Variants in NETO1 observed in about 807,000 individuals in gnomAD.
The protein encoded by NETO1 is neuropilin and tolloid like 1, also known as neuropilin and tolloid-like protein 1.
NETO1 carries 26 observed loss-of-function variants against 61.3 expected under a neutral mutation model. That is an observed-to-expected ratio of 0.42 (90% confidence interval 0.31 to 0.59). The LOEUF (loss-of-function observed/expected upper bound fraction) is 0.59, where lower values mean the gene tolerates loss of function less well. Among genes scored for constraint, NETO1 ranks in the 20% least tolerant of loss-of-function variants. NETO1 has a pLI of 0.12. For synonymous variants in NETO1, 225 were observed against 225.8 expected, an observed-to-expected ratio of 1.00 and a Z score of 0.03; for missense variants, 531 against 662.8, an observed-to-expected ratio of 0.80 and a Z score of 2.18.
At chr18:72,801,265 G>A (rs2072497432) in intron 4 of NETO1, among the ~76,000 whole-genome samples, 1 of 149,958 alleles carries the variant, frequency 6.7e-6, no homozygotes, top group Admixed American at 6.7e-5. Context: ...CTCTTCCTCA[G>A]TAAATAATAT....
At chr18:72,784,273 C>G (rs34532184) in intron 6 of NETO1, among the ~76,000 whole-genome samples, 2 of 151,948 alleles carry the variant, frequency 1.3e-5, no homozygotes, top group Non-Finnish European at 2.9e-5. Context: ...TGTTTCAGTT[C>G]GATGGCTTCC....
At chr18:72,769,576 A>C (rs780606141) in intron 7 of NETO1, among the ~76,000 whole-genome samples, 3 of 152,196 alleles carry the variant, frequency 2.0e-5, no homozygotes, top group Non-Finnish European at 4.4e-5. Flanking sequence ...AAACCAGTAC[A>C]TATTTATTTT....
chr18:72,760,398 A>G (rs935942371), intron 7 of NETO1, among the ~76,000 whole-genome samples: 3 of 152,196 alleles, frequency 2.0e-5, no homozygotes, highest in African/African-American at 7.2e-5. Flanking sequence ...CAGCTCAGAG[A>G]GTACTTCTCC....
chr18:72,816,920 T>C (rs1485109515), intron 4 of NETO1, among the ~76,000 whole-genome samples: 1 of 152,124 alleles, frequency 6.6e-6, no homozygotes, highest in Non-Finnish European at 1.5e-5. Context: ...TAAGATGATG[T>C]CGTGATGAGA....
chr18:72,866,631 T>C, intron 1 of NETO1: 1 of 825,598 alleles, frequency 1.2e-6, no homozygotes, highest in African/African-American at 1.9e-5. Flanking sequence ...CATCTTTGCT[T>C]AGTAATGATA....
intron 4 of NETO1, among the ~76,000 whole-genome samples, chr18:72,846,532 A>AAAAAAAAAAAAAAT (rs2074093018): frequency 6.7e-6 from 1 of 149,400 alleles, no homozygotes; most frequent in Non-Finnish European, 1.5e-5. Flanking sequence ...AAAAAAAAAA[A>AAAAAAAAAAAAAAT]AAGAAGATGC....
chr18:72,855,558 C>A (rs550745286), intron 4 of NETO1, among the ~76,000 whole-genome samples: 1 of 152,196 alleles, frequency 6.6e-6, no homozygotes, highest in East Asian at 1.9e-4. Context: ...CCTCCACATC[C>A]GTGCGGGACC....
chr18:72,867,176 C>G, intron 1 of NETO1, 88 bp downstream of exon 1: 1 of 1,023,708 alleles, frequency 9.8e-7, no homozygotes, highest in Non-Finnish European at 1.4e-6. Flanking sequence ...GAGCGCGGCG[C>G]AGAGGCTTTT....
chr18:72,764,432 G>T (rs989893370), intron 7 of NETO1, among the ~76,000 whole-genome samples: 5 of 152,106 alleles, frequency 3.3e-5, no homozygotes, highest in Non-Finnish European at 7.4e-5. Context: ...ATGTTTATCA[G>T]TTCAGGTAAC....
At chr18:72,757,104 A>G (rs569425182) in intron 7 of NETO1, among the ~76,000 whole-genome samples, 10 of 152,080 alleles carry the variant, frequency 6.6e-5, no homozygotes, top group Non-Finnish European at 1.5e-4. Flanking sequence ...CTTTTTTTCA[A>G]TAAAGGCTCT....
At chr18:72,819,462 C>T (rs764088510) in intron 4 of NETO1, among the ~76,000 whole-genome samples, 5 of 152,034 alleles carry the variant, frequency 3.3e-5, no homozygotes, top group African/African-American at 4.8e-5. Context: ...AAATATTTGA[C>T]GTTGATACTG....
chr18:72,848,489 AC>A (rs1456539678), intron 4 of NETO1, among the ~76,000 whole-genome samples: 2 of 152,240 alleles, frequency 1.3e-5, no homozygotes, highest in African/African-American at 4.8e-5. Context: ...GAAATATGTT[AC>A]CGGCTCCAAA....
chr18:72,833,528 C>T lies in NETO1; in HGVS notation c.469+25298G>A, dbSNP rs576192274. On this transcript the variant is annotated intron_variant, in intron 4 of 10. Coordinates refer to ENST00000327305, the MANE Select transcript of NETO1 (RefSeq NM_138966.5). ...GCACCATAATAATTCTGAAGTAAAA[C>T]TGGTTTAGTAAATGAATTCTGACTC... is the stretch of plus-strand genomic sequence containing the variant. Among the ~76,000 whole-genome samples, 122 of 152,258 alleles carry T rather than the reference C, an allele frequency of 8.0e-4. 1 individual carries two copies. The South Asian group carries it at 0.023, about 28-fold the overall frequency.
chr18:72,835,212 T>C (rs2073704798), intron 4 of NETO1: 7 of 1,413,398 alleles, frequency 5.0e-6, no homozygotes, highest in South Asian at 3.4e-5. Flanking sequence ...TGCTTCAAGA[T>C]GGTGTTAGAT....
chr18:72,844,359 T>C (rs2074021706), intron 4 of NETO1, among the ~76,000 whole-genome samples: 1 of 152,228 alleles, frequency 6.6e-6, no homozygotes, highest in Non-Finnish European at 1.5e-5. Context: ...GTTCTCTCTC[T>C]GCTCAATCAT....
chr18:72,820,392 A>G (rs1211213815), intron 4 of NETO1, among the ~76,000 whole-genome samples: 1 of 152,240 alleles, frequency 6.6e-6, no homozygotes, highest in Non-Finnish European at 1.5e-5. Flanking sequence ...ATGATGGAAT[A>G]TACAAGTGCG....
rs2070391999 is a variant in NETO1, at chr18:72,744,534, A to G, written c.*3645T>C. 1 of 152,188 alleles carries G rather than the reference A, an allele frequency of 6.6e-6. No homozygotes were observed. Among genetic ancestry groups the G allele is most frequent in the African/African-American group, 2.4e-5 (1 of 41,458 alleles). The allele number at this position is 152,188 out of a possible 1,614,324, so 9.4% of individuals were successfully genotyped here. A position where few individuals can be genotyped will look rare whatever the true frequency, so the allele number is the denominator to read the frequency against. The stretch of plus-strand genomic sequence containing the variant: ...TGGGTCCTTTACGCTAGAGTGCAAT[A>G]GATAGAAATGAATCCATGGAGGGAA... On this transcript the variant is annotated 3_prime_UTR_variant, in exon 11 of 11. Coordinates refer to ENST00000327305, the MANE Select transcript of NETO1 (RefSeq NM_138966.5).
intron 4 of NETO1, among the ~76,000 whole-genome samples, chr18:72,855,719 C>T (rs1599170236): frequency 1.3e-5 from 2 of 152,078 alleles, no homozygotes; most frequent in Non-Finnish European, 2.9e-5. Context: ...AAAATTCTGG[C>T]GATAAAAGCC....
chr18:72,746,869 G>T lies in NETO1; in HGVS notation c.*1310C>A, dbSNP rs947241175. Among the ~76,000 whole-genome samples the T allele has an allele frequency of 2.0e-5, 3 of 151,908 alleles. No homozygotes were observed. Among genetic ancestry groups the T allele is most frequent in the African/African-American group, 7.2e-5 (3 of 41,394 alleles). ...CACCAAATCAAACTTTACAGAGTGT[G>T]TATATAATTTAATAGCAGTAAAATA... On this transcript the variant is annotated 3_prime_UTR_variant, in exon 11 of 11. Coordinates refer to ENST00000327305, the MANE Select transcript of NETO1 (RefSeq NM_138966.5).
Sources: gnomAD v4.1 joint callset for allele counts (sites outside exome capture counted in the v4.1 genomes callset) on GRCh38, gnomAD v4.1.1 for gene constraint, MANE v1.5 for transcripts, NCBI Gene and HGNC (gene_info 2026-07-23, HGNC 2026-07-21) for gene names.